The following CCDC77 variants were observed in gnomAD, a reference collection of about 807,000 sequenced individuals.
The protein encoded by CCDC77 is coiled-coil domain containing 77.
In CCDC77, 56 loss-of-function variants were observed where a neutral mutation model predicts 66.8. The ratio of observed to expected loss-of-function variants is 0.84; its 90% CI spans 0.68 to 1.05. CCDC77 has a LOEUF of 1.05. CCDC77 is among the 50% of genes least tolerant of loss of function. The pLI, the probability that CCDC77 is intolerant of heterozygous loss-of-function variation, is 0.00. For synonymous variants in CCDC77, 196 were observed against 195.2 expected, an observed-to-expected ratio of 1.00 and a Z score of -0.03; for missense variants, 570 against 576.8, an observed-to-expected ratio of 0.99 and a Z score of 0.12.
At chr12:419,127 G>A (rs1490874385) in intron 5 of CCDC77, among the ~76,000 whole-genome samples, 2 of 152,222 alleles carry the variant, frequency 1.3e-5, no homozygotes, top group African/African-American at 4.8e-5. Context: ...TGGAATAATA[G>A]CTATGAGCAG....
intron 9 of CCDC77, among the ~76,000 whole-genome samples, chr12:437,845 T>TAAAAAAA (rs3043231): frequency 8.0e-6 from 1 of 124,514 alleles, no homozygotes; most frequent in Non-Finnish European, 1.6e-5. Context: ...GACCCTGTCT[T>TAAAAAAA]AAAAAAAAAA....
intron 1 of CCDC77, among the ~76,000 whole-genome samples, chr12:404,233 T>A (rs1944951556): frequency 1.3e-5 from 2 of 152,314 alleles, no homozygotes; most frequent in South Asian, 2.1e-4. Context: ...GGAGAATCAC[T>A]TGAACCCAGG....
intron 9 of CCDC77, among the ~76,000 whole-genome samples, chr12:435,202 C>T (rs906936658): frequency 6.7e-6 from 1 of 150,258 alleles, no homozygotes; most frequent in Non-Finnish European, 1.5e-5. Flanking sequence ...CTACTTCTTT[C>T]TGTGTTTCAT....
chr12:389,984 C>T (rs1944724959), intron 1 of CCDC77: 1 of 152,208 alleles, frequency 6.6e-6, no homozygotes, highest in Non-Finnish European at 1.5e-5. Flanking sequence ...CGCAGCAGCT[C>T]TCCTGAATTA....
exon 1 of CCDC77, chr12:389,448 G>A (rs1299242966): frequency 8.7e-6 from 4 of 457,256 alleles, no homozygotes; most frequent in Non-Finnish European, 1.6e-5. Flanking sequence ...GCCCGCCAAA[G>A]TTCTGCCCAG....
chr12:431,436 C>A (rs904020282), intron 7 of CCDC77, among the ~76,000 whole-genome samples: 7 of 152,042 alleles, frequency 4.6e-5, no homozygotes, highest in African/African-American at 1.7e-4. Context: ...CACTATGTCA[C>A]TCAGGCTGGT....
rs768885093 is a variant in CCDC77 at position 428,882 on chromosome 12, G to A, written c.510+17G>A. ...CCTCACAAAGTAAGTAATCTTTGGT[G>A]TAGCATGGTGAGTGTGGCTTTACAA... is the stretch of plus-strand genomic sequence containing the variant. On this transcript the variant is annotated intron_variant, in intron 6 of 12. Coordinates refer to ENST00000239830, the MANE Select transcript of CCDC77 (RefSeq NM_032358.4). 14 of 1,515,972 alleles carry A rather than the reference G, an allele frequency of 9.2e-6. No individual in the cohort carries two copies. The Admixed American group carries it at 1.0e-4, about 11-fold the overall frequency. The allele number at this position is 1,515,972 out of a possible 1,614,324, so 93.9% of individuals were successfully genotyped here. A position where few individuals can be genotyped will look rare whatever the true frequency, so the allele number is the denominator to read the frequency against.
intron 6 of CCDC77, among the ~76,000 whole-genome samples, chr12:429,227 G>A (rs1264549260): frequency 6.6e-6 from 1 of 152,102 alleles, no homozygotes; most frequent in Non-Finnish European, 1.5e-5. Flanking sequence ...CAAACACAGA[G>A]TATAGTAATC....
chr12:441,183 A>G (rs2120355839), intron 12 of CCDC77, among the ~76,000 whole-genome samples, 187 bp downstream of exon 12: 1 of 152,314 alleles, frequency 6.6e-6, no homozygotes, highest in East Asian at 1.9e-4. Flanking sequence ...AGACCCTGAA[A>G]TCATTGAACG....
intron 12 of CCDC77, 28 bp downstream of exon 12, chr12:441,024 G>A (rs760774505): frequency 6.2e-7 from 1 of 1,604,014 alleles, no homozygotes; most frequent in Non-Finnish European, 8.5e-7. Context: ...ATTGCCACGA[G>A]GGAGAGAAGA....
intron 10 of CCDC77, among the ~76,000 whole-genome samples, chr12:439,501 C>T (rs911146097): frequency 1.6e-4 from 22 of 140,022 alleles, no homozygotes; most frequent in African/African-American, 6.0e-4. Flanking sequence ...GCCTGGGCGA[C>T]AGAGTGGGAC....
intron 3 of CCDC77, among the ~76,000 whole-genome samples, chr12:411,277 G>A (rs376234971): frequency 8.6e-5 from 13 of 151,694 alleles, no homozygotes; most frequent in East Asian, 1.9e-4. Flanking sequence ...AGGTTCAAGC[G>A]ATTCTCCTGC....
At chr12:404,162 C>A (rs957234515) in intron 1 of CCDC77, among the ~76,000 whole-genome samples, 2 of 151,686 alleles carry the variant, frequency 1.3e-5, no homozygotes, top group Non-Finnish European at 2.9e-5. Context: ...ACTAAAAATA[C>A]AAAAAAAATT....
intron 4 of CCDC77, among the ~76,000 whole-genome samples, chr12:416,904 TCGAGGCCGGCGGA>T (rs1268710789): frequency 2.6e-5 from 2 of 77,394 alleles, no homozygotes; most frequent in Non-Finnish European, 5.2e-5. Context: ...GGTCAGGAGT[TCGAGGCCGGCGGA>T]TCACCTGGGG....
At chr12:426,646 G>A (rs7301097) in intron 5 of CCDC77, among the ~76,000 whole-genome samples, 52,377 of 151,918 alleles carry the variant, frequency 0.34, 9,928 homozygotes, top group East Asian at 0.63. Context: ...CTGAAGAAAT[G>A]CCCATTGATT....
At chr12:404,285 C>T (rs1944952501) in intron 1 of CCDC77, among the ~76,000 whole-genome samples, 1 of 152,218 alleles carries the variant, frequency 6.6e-6, no homozygotes, top group South Asian at 2.1e-4. Context: ...CACTGCACTC[C>T]AGCCTGGGCT....
Position 431,928 on chromosome 12 carries a change from A to G in CCDC77, c.646A>G (p.Arg216Gly), listed in dbSNP as rs749808104. Residue 216 changes from arginine (R) to glycine (G), a missense_variant, in exon 8 of 13, where the codon AGA becomes GGA. Transcript: ENST00000239830. The part of the protein sequence containing the change: ...ERKESSEHYQ[R>G]DIQTLILQVE... Reference sequence around the variant, plus strand: ...AAAAGAAAGTTCTGAGCATTACCAAAGAGACATACAGACACTCATCCTACA... The same window carrying G: ...AAAAGAAAGTTCTGAGCATTACCAAGGAGACATACAGACACTCATCCTACA... The G allele has an allele frequency of 1.2e-6, 2 of 1,611,752 alleles. No homozygotes were observed. The highest frequency in any genetic ancestry group is 2.7e-5 in the African/African-American group (2 of 74,746).
At chr12:415,361 ATGT>A (rs1945215267) in intron 4 of CCDC77, among the ~76,000 whole-genome samples, 3 of 130,012 alleles carry the variant, frequency 2.3e-5, no homozygotes, top group African/African-American at 9.4e-5. Context: ...ACATAATATT[ATGT>A]TAATATAATC....
Position 392,862 on chromosome 12 carries a change from T to G in CCDC77, c.-113+3376T>G, listed in dbSNP as rs537440781. 2.2e-4 allele frequency among the ~76,000 whole-genome samples: 33 copies of G among 152,152 alleles called. No homozygotes were observed. The Middle Eastern group carries it at 0.01, about 47-fold the overall frequency. ...GTTTAAAATATTTTATTCATTTCAA[T>G]ATAAAACTTTTATATTTAAATACAT... is the stretch of plus-strand genomic sequence containing the variant. On this transcript the variant is annotated intron_variant, in intron 1 of 11. Coordinates refer to the CCDC77 transcript ENST00000422000.
Sources: allele counts gnomAD v4.1 joint callset (sites outside exome capture counted in the v4.1 genomes callset), GRCh38; gene constraint gnomAD v4.1.1; transcripts MANE v1.5; gene names NCBI Gene and HGNC (gene_info 2026-07-23, HGNC 2026-07-21).